Variants in LPA observed in about 807,000 individuals in gnomAD.
LPA encodes the protein lipoprotein(a), also known as apolipoprotein(a).
Under a neutral mutation model 197.9 loss-of-function variants are expected in LPA, and 199 were observed. The ratio of observed to expected loss-of-function variants is 1.01; its 90% CI spans 0.90 to 1.13. The LOEUF (loss-of-function observed/expected upper bound fraction) is 1.13, where lower values mean the gene tolerates loss of function less well. LPA is among the 50% of genes most tolerant of loss of function. LPA has a pLI of 0.00. For synonymous variants in LPA, 715 were observed against 639.5 expected (o/e 1.12, Z -1.78); for missense variants, 1,853 against 1,785.8 (o/e 1.04, Z -0.68).
intron 20 of LPA, 59 bp downstream of exon 20, chr6:160,599,441 C>T (rs893889438): frequency 1.0e-5 from 16 of 1,606,052 alleles, no homozygotes; most frequent in African/African-American, 5.3e-5. Context: ...AAGCATGACT[C>T]TTCTAACAGA....
At chr6:160,580,488 C>T (rs907509244) in intron 26 of LPA, among the ~76,000 whole-genome samples, 1 of 152,108 alleles carries the variant, frequency 6.6e-6, no homozygotes, top group Non-Finnish European at 1.5e-5. Context: ...AAGCATCAGA[C>T]TGATTTTTTA....
intron 18 of LPA, among the ~76,000 whole-genome samples, chr6:160,602,729 T>A (rs1399458822): frequency 1.3e-5 from 2 of 152,236 alleles, no homozygotes; most frequent in African/African-American, 4.8e-5. Flanking sequence ...CAATATGCAT[T>A]TATCCAACAT....
chr6:160,546,755 C>G (rs371160539), intron 32 of LPA, among the ~76,000 whole-genome samples: 2 of 152,214 alleles, frequency 1.3e-5, no homozygotes, highest in South Asian at 4.2e-4. Context: ...GAGGAGAAAT[C>G]CCCCCATATC....
At chr6:160,553,083 T>C (rs1778191988) in intron 30 of LPA, among the ~76,000 whole-genome samples, 1 of 152,198 alleles carries the variant, frequency 6.6e-6, no homozygotes, top group African/African-American at 2.4e-5. Flanking sequence ...AAAAAACTCA[T>C]TAACAGTATA....
chr6:160,573,763 C>T (rs1411540852), intron 28 of LPA, among the ~76,000 whole-genome samples: 1 of 152,122 alleles, frequency 6.6e-6, no homozygotes, highest in African/African-American at 2.4e-5. Context: ...GTACAGAGTC[C>T]TGTGATGTGA....
At position 160,586,579 on chromosome 6, in the gene LPA, C is replaced by A. The variant is rs1463372557; in HGVS notation, c.3999G>T (p.Trp1333Cys). The A allele has an allele frequency of 2.5e-6, 4 of 1,613,772 alleles. No individual in the cohort carries two copies. The highest frequency in any genetic ancestry group is 3.4e-6 in the Non-Finnish European group (4 of 1,179,818). The stretch of plus-strand genomic sequence containing the variant: ...TGACACTGGGATCCATGGTATAACA[C>A]CAAGGGCGAATCTCAGCATCTGGAT... ...CRNPDAEIRP[W>C]CYTMDPSVRW... is the part of the protein sequence containing the mutation. Residue 1333 changes from tryptophan (W) to cysteine (C), a missense_variant, in exon 25 of 39, where the codon TGG (tryptophan) becomes TGT (cysteine). Physicochemically the swap from Trp to Cys is radical, Grantham distance 215 (BLOSUM62 -2). This residue lies in a region of LPA where 1,737 missense variants were observed against 1,504.4 expected (regional missense o/e 1.15). Coordinates refer to ENST00000316300, the MANE Select transcript of LPA (RefSeq NM_005577.4).
intron 7 of LPA, among the ~76,000 whole-genome samples, chr6:160,634,522 C>G (rs1156511660): frequency 7.1e-6 from 1 of 140,032 alleles, no homozygotes; most frequent in Non-Finnish European, 1.5e-5. Context: ...AGTCTACTAA[C>G]CTTTCTCTCT....
intron 7 of LPA, 89 bp from the exon 8 acceptor site, chr6:160,634,001 A>C (rs1779742142): frequency 1.3e-6 from 2 of 1,513,448 alleles, no homozygotes; most frequent in Admixed American, 3.4e-5. Flanking sequence ...AAAGGAGTCT[A>C]TGAGAATTAC....
At chr6:160,576,340 G>GTATATATATATATATATATATATA (rs71542980) in intron 28 of LPA, among the ~76,000 whole-genome samples, 3 of 40,420 alleles carry the variant, frequency 7.4e-5, no homozygotes, top group Admixed American at 4.0e-4. Context: ...GTGTGTGTGT[G>GTATATATATATATATATATATATA]TATATATATA....
chr6:160,576,324 G>A (rs1301206272), intron 28 of LPA, among the ~76,000 whole-genome samples: 1 of 33,504 alleles, frequency 3.0e-5, no homozygotes, highest in Non-Finnish European at 5.0e-5. Context: ...GTATGTATGT[G>A]TGTGTGTGTG....
intron 28 of LPA, among the ~76,000 whole-genome samples, chr6:160,571,657 C>T (rs776772736): frequency 1.1e-4 from 16 of 152,218 alleles, no homozygotes; most frequent in East Asian, 7.7e-4. Flanking sequence ...AACTTCCTAG[C>T]GGTTTTGCTT....
chr6:160,650,521 A>T, intron 1 of LPA, 24 bp from the exon 2 acceptor site: 2 of 1,611,850 alleles, frequency 1.2e-6, no homozygotes, highest in East Asian at 2.2e-5. Context: ...AGAAGAAATC[A>T]AGCTGAATAG....
chr6:160,643,129 G>C (rs1779869288), intron 4 of LPA, among the ~76,000 whole-genome samples: 1 of 148,338 alleles, frequency 6.7e-6, no homozygotes, highest in Non-Finnish European at 1.5e-5. Flanking sequence ...TCATTCTGTA[G>C]GTTCTCTAGA....
chr6:160,607,659 T>C (rs541541416), intron 16 of LPA, among the ~76,000 whole-genome samples: 8 of 151,912 alleles, frequency 5.3e-5, no homozygotes, highest in African/African-American at 1.7e-4. Flanking sequence ...CCTGAGAAAA[T>C]GGGAAATGTA....
chr6:160,541,041 G>C, intron 35 of LPA, 66 bp downstream of exon 35: 2 of 1,321,822 alleles, frequency 1.5e-6, no homozygotes, highest in Non-Finnish European at 2.2e-6. Context: ...AAGAAGGGAT[G>C]GAGGAAGAGA....
At chr6:160,607,541 C>A (rs1779384618) in intron 16 of LPA, among the ~76,000 whole-genome samples, 1 of 152,098 alleles carries the variant, frequency 6.6e-6, no homozygotes, top group Admixed American at 6.5e-5. Context: ...GGGGGCAAAG[C>A]AGGTAGGAGT....
rs1777975885 is a variant in LPA, at chr6:160,541,169, G to C, written c.5532C>G (p.His1844Gln). ...GGGATATTAAGGTGCCTCCACAGAA[G>C]TGCTTTCCAAACCTAGAAAGAAAAC... Reference protein sequence around the residue: ...QVSLRTRFGKHFCGGTLISPE... With the variant: ...QVSLRTRFGKQFCGGTLISPE... Residue 1844 changes from histidine to glutamine, a missense_variant, in exon 35 of 39, where the codon CAC becomes CAG. Physicochemically the swap from His to Gln is conservative, Grantham distance 24 (BLOSUM62 0). Coordinates refer to ENST00000316300, the MANE Select transcript of LPA (RefSeq NM_005577.4). 1 of 1,613,554 alleles carries C rather than the reference G, an allele frequency of 6.2e-7. No homozygotes were observed. The highest frequency in any genetic ancestry group is 8.5e-7 in the Non-Finnish European group (1 of 1,179,564).
At chr6:160,585,858 T>C (rs998236679) in intron 25 of LPA, among the ~76,000 whole-genome samples, 4 of 152,074 alleles carry the variant, frequency 2.6e-5, no homozygotes, top group Admixed American at 1.3e-4. Context: ...AAATGTTCCA[T>C]GAGAAGCAGG....
rs768779893 is a variant in LPA at position 160,599,535 on chromosome 6, G to GT, written c.3251dup (p.His1084GlnfsTer4). The GT allele has an allele frequency of 1.2e-6, 2 of 1,613,910 alleles. No homozygotes were observed. Among genetic ancestry groups the GT allele is most frequent in the African/African-American group, 2.7e-5 (2 of 74,914 alleles). ...AGTTTTCTGGGGTCCGACTATGCTG[G>GT]TGTGGTGTCATAGATGACCAAGCTT... is the stretch of plus-strand genomic sequence containing the variant. On this transcript the variant is annotated frameshift_variant, in exon 20 of 39. Transcript: ENST00000316300. LOFTEE classifies it high-confidence loss of function.
Sources: gnomAD v4.1 joint callset for allele counts (sites outside exome capture counted in the v4.1 genomes callset) on GRCh38, gnomAD v4.1.1 for gene constraint, gnomAD v4.1.1 regional missense constraint, MANE v1.5 for transcripts, NCBI Gene and HGNC (gene_info 2026-07-23, HGNC 2026-07-21) for gene names.